The following SDCBP variants were observed in gnomAD, a reference collection of about 807,000 sequenced individuals.
The protein encoded by SDCBP is syndecan binding protein.
SDCBP carries 22 observed loss-of-function variants against 30.5 expected under a neutral mutation model. That is an observed-to-expected ratio of 0.72 (90% CI 0.52 to 1.03). SDCBP has a LOEUF of 1.03. SDCBP is among the 50% of genes least tolerant of loss of function. The pLI is 0.00. For synonymous variants in SDCBP, 103 were observed against 118.7 expected, an observed-to-expected ratio of 0.87 and a Z score of 0.86; for missense variants, 304 against 369.9, an observed-to-expected ratio of 0.82 and a Z score of 1.46.
chr8:58,566,763 G>A (rs1585690153), intron 2 of SDCBP, among the ~76,000 whole-genome samples: 1 of 152,204 alleles, frequency 6.6e-6, no homozygotes, highest in South Asian at 2.1e-4. Flanking sequence ...GTATTATGAA[G>A]GAAGGTAGTA....
chr8:58,556,319 T>G (rs1804099042), intron 1 of SDCBP, among the ~76,000 whole-genome samples: 1 of 152,188 alleles, frequency 6.6e-6, no homozygotes, highest in Non-Finnish European at 1.5e-5. Context: ...GAGAATCTAA[T>G]GCTGCCACTG....
chr8:58,581,613 T>C, intron 8 of SDCBP, 73 bp from the exon 9 acceptor site: 1 of 1,118,090 alleles, frequency 8.9e-7, no homozygotes, highest in Non-Finnish European at 1.4e-6. Flanking sequence ...TTGGGAATTT[T>C]CTTGGATTAA....
intron 4 of SDCBP, 118 bp downstream of exon 4, chr8:58,572,432 G>A (rs1284610853): frequency 2.2e-5 from 14 of 622,786 alleles, no homozygotes; most frequent in Non-Finnish European, 3.6e-5. Flanking sequence ...TCACTTCTCA[G>A]AAATTTTAGA....
chr8:58,571,479 A>C (rs1805020763), intron 3 of SDCBP, among the ~76,000 whole-genome samples: 2 of 152,162 alleles, frequency 1.3e-5, no homozygotes, highest in Non-Finnish European at 2.9e-5. Flanking sequence ...AGAGCTCCTA[A>C]ATACTATGAC....
chr8:58,581,268 G>A (rs940862047), intron 8 of SDCBP, among the ~76,000 whole-genome samples: 1 of 151,984 alleles, frequency 6.6e-6, no homozygotes, highest in Non-Finnish European at 1.5e-5. Flanking sequence ...TTTTTGTGTT[G>A]GCTTCTGGAT....
chr8:58,581,679 C>G lies in SDCBP; in HGVS notation c.843-7C>G. The G allele has an allele frequency of 6.2e-7, 1 of 1,608,712 alleles. No individual in the cohort carries two copies. Among genetic ancestry groups the G allele is most frequent in the Non-Finnish European group, 8.5e-7 (1 of 1,175,362 alleles). ...CTCGGTATATAATAAAAGTACCTCTCTTGTAGGATGGCACCAAGCATTATG... is the reference window on the plus strand; with the variant it reads ...CTCGGTATATAATAAAAGTACCTCTGTTGTAGGATGGCACCAAGCATTATG... On this transcript the variant is annotated splice_polypyrimidine_tract_variant and splice_region_variant and intron_variant, in intron 8 of 8. Coordinates refer to ENST00000260130, the MANE Select transcript of SDCBP (RefSeq NM_005625.4).
At chr8:58,562,841 A>T (rs1167530230) in intron 1 of SDCBP, among the ~76,000 whole-genome samples, 4 of 152,194 alleles carry the variant, frequency 2.6e-5, no homozygotes, top group Non-Finnish European at 5.9e-5. Flanking sequence ...AATTTGTCAG[A>T]ATTAAAAACC....
At chr8:58,571,324 A>G (rs1055262560) in intron 3 of SDCBP, among the ~76,000 whole-genome samples, 13 of 152,066 alleles carry the variant, frequency 8.5e-5, no homozygotes, top group African/African-American at 3.1e-4. Context: ...GAACTTTCTG[A>G]ATTGTCTTCT....
At chr8:58,565,222 A>C in intron 2 of SDCBP, 138 bp downstream of exon 2, 1 of 420,786 alleles carries the variant, frequency 2.4e-6, no homozygotes, top group Admixed American at 4.5e-5. Flanking sequence ...TAGTTTTATT[A>C]ATTGCAGACT....
chr8:58,566,716 T>G (rs911871249), intron 2 of SDCBP, among the ~76,000 whole-genome samples: 2 of 152,194 alleles, frequency 1.3e-5, no homozygotes, highest in African/African-American at 2.4e-5. Flanking sequence ...TGGATGATAC[T>G]CATGTTTGTT....
At chr8:58,575,190 A>C (rs183576687) in intron 4 of SDCBP, among the ~76,000 whole-genome samples, 60 of 152,290 alleles carry the variant, frequency 3.9e-4, no homozygotes, top group Non-Finnish European at 7.9e-4. Flanking sequence ...ATGTTGTCCA[A>C]ATGGCAGGAT....
Position 58,578,060 on chromosome 8 carries a change from A to C in SDCBP, c.430A>C (p.Asn144His), listed in dbSNP as rs1805446880. 6.2e-7 allele frequency: 1 copy of C among 1,613,560 alleles called. No individual in the cohort carries two copies. Among genetic ancestry groups the C allele is most frequent in the Admixed American group, 1.7e-5 (1 of 59,986 alleles). ...NGIFVQLVQA[N>H]SPASLVGLRF... ...TATATTTGTTCAGCTAGTCCAGGCT[A>C]ATTCTCCAGCCTCATTGGTTGGTCT... Residue 144 changes from asparagine to histidine, a missense_variant, in exon 6 of 9, where the codon AAT becomes CAT. Coordinates refer to ENST00000260130, the MANE Select transcript of SDCBP (RefSeq NM_005625.4).
chr8:58,565,216 T>A, intron 2 of SDCBP, 132 bp downstream of exon 2: 1 of 428,004 alleles, frequency 2.3e-6, no homozygotes, highest in South Asian at 8.1e-5. Context: ...TTTTTTTAGT[T>A]TTATTAATTG....
chr8:58,571,173 T>C (rs1804998779), intron 3 of SDCBP, among the ~76,000 whole-genome samples: 1 of 152,196 alleles, frequency 6.6e-6, no homozygotes, highest in South Asian at 2.1e-4. Flanking sequence ...GGGATGTATT[T>C]CATGGCTTAA....
chr8:58,576,870 G>A lies in SDCBP; in HGVS notation c.402+809G>A, dbSNP rs927840466. Among the ~76,000 whole-genome samples, 8 of 152,332 alleles carry A rather than the reference G, an allele frequency of 5.3e-5. No individual in the cohort carries two copies. In the East Asian group the frequency reaches 1.4e-3, roughly 26 times the overall value. On this transcript the variant is annotated intron_variant, in intron 5 of 8. Transcript: ENST00000260130. Reference sequence around the variant, plus strand: ...AAAATTATAAGTGTGGTGCACTGCTGTAAATGGAGGAGGCTGATCTTGGCA... The same window carrying A: ...AAAATTATAAGTGTGGTGCACTGCTATAAATGGAGGAGGCTGATCTTGGCA...
chr8:58,577,896 TTTC>T, intron 5 of SDCBP, 134 bp from the exon 6 acceptor site: 1 of 658,112 alleles, frequency 1.5e-6, no homozygotes, highest in South Asian at 2.1e-5. Context: ...TCATATAGTT[TTTC>T]CTTTTTTTCT....
At chr8:58,581,023 G>C (rs560761963) in intron 8 of SDCBP, among the ~76,000 whole-genome samples, 1 of 152,294 alleles carries the variant, frequency 6.6e-6, no homozygotes, top group South Asian at 2.1e-4. Flanking sequence ...AGAATCTCAA[G>C]AGGCAGATAG....
chr8:58,553,876 G>T (rs1031286489), intron 1 of SDCBP, among the ~76,000 whole-genome samples: 1 of 152,206 alleles, frequency 6.6e-6, no homozygotes, highest in African/African-American at 2.4e-5. Context: ...GAGGTTGTTC[G>T]CTTTGAGCTT....
chr8:58,579,417 ATCAG>A (rs548404788), intron 6 of SDCBP, among the ~76,000 whole-genome samples: 4 of 152,182 alleles, frequency 2.6e-5, no homozygotes, highest in Non-Finnish European at 5.9e-5. Context: ...TGATTAGTAA[ATCAG>A]TCAAACCATA....
Sources: allele counts gnomAD v4.1 joint callset (sites outside exome capture counted in the v4.1 genomes callset), GRCh38; gene constraint gnomAD v4.1.1; transcripts MANE v1.5; gene names NCBI Gene and HGNC (gene_info 2026-07-23, HGNC 2026-07-21).